The following PLPP4 variants were observed in gnomAD, a reference collection of about 807,000 sequenced individuals.
The protein encoded by PLPP4 is diacylglycerol pyrophosphate like 2.
A neutral mutation model predicts 32.2 loss-of-function variants in PLPP4; 20 were observed. The ratio of observed to expected loss-of-function variants is 0.62; its 90% CI spans 0.44 to 0.90. The LOEUF is 0.90. Ranked by LOEUF, PLPP4 falls within the 40% of genes least tolerant of loss-of-function variation. The pLI is 0.00. For synonymous variants in PLPP4, 127 were observed against 133.0 expected (o/e 0.95, Z 0.31); for missense variants, 257 against 353.1 (o/e 0.73, Z 2.18).
chr10:120,583,002 A>G (rs567907924), intron 6 of PLPP4, among the ~76,000 whole-genome samples: 52 of 152,120 alleles, frequency 3.4e-4, no homozygotes, highest in African/African-American at 1.1e-3. Flanking sequence ...ATGAAGCTTC[A>G]CAAGTAGCAG....
chr10:120,505,272 G>A (rs1333055199), intron 2 of PLPP4, among the ~76,000 whole-genome samples: 2 of 152,218 alleles, frequency 1.3e-5, no homozygotes, highest in African/African-American at 4.8e-5. Context: ...CCTGAGGGTT[G>A]GGGGCAGAGT....
chr10:120,563,725 A>G (rs4752439), intron 5 of PLPP4, among the ~76,000 whole-genome samples: 131,051 of 131,756 alleles, frequency 0.99, 65,195 homozygotes, highest in Middle Eastern at 1. Context: ...GCGTGAACCC[A>G]GGAAGCGGAG....
intron 5 of PLPP4, among the ~76,000 whole-genome samples, chr10:120,574,001 G>T (rs1171087415): frequency 1.3e-5 from 2 of 152,086 alleles, no homozygotes; most frequent in African/African-American, 4.8e-5. Context: ...CATCCCCTCA[G>T]AAGTACTTTC....
intron 1 of PLPP4, among the ~76,000 whole-genome samples, chr10:120,469,382 C>A (rs916571822): frequency 3.3e-5 from 5 of 152,054 alleles, no homozygotes; most frequent in Non-Finnish European, 7.3e-5. Flanking sequence ...CGCCCGCCAC[C>A]ATGCCCGGCT....
intron 1 of PLPP4, among the ~76,000 whole-genome samples, chr10:120,477,310 C>T (rs1589730501): frequency 6.8e-6 from 1 of 146,964 alleles, no homozygotes. Flanking sequence ...TGAGGCTTTT[C>T]TTTTTCCTTC....
chr10:120,570,730 G>A (rs10886712), intron 5 of PLPP4, among the ~76,000 whole-genome samples: 50,380 of 151,882 alleles, frequency 0.33, 8,473 homozygotes, highest in Middle Eastern at 0.4. Flanking sequence ...CATCTGGGTT[G>A]CTGGAGAGAA....
At chr10:120,533,538 A>G (rs1846845153) in intron 5 of PLPP4, among the ~76,000 whole-genome samples, 2 of 152,058 alleles carry the variant, frequency 1.3e-5, no homozygotes, top group African/African-American at 4.8e-5. Flanking sequence ...AAATTTATCT[A>G]TTTTTCCCCT....
chr10:120,517,249 C>T (rs188594647), intron 3 of PLPP4, among the ~76,000 whole-genome samples: 38 of 152,270 alleles, frequency 2.5e-4, no homozygotes, highest in Admixed American at 1.4e-3. Flanking sequence ...CAGCCGTGAG[C>T]GTGGCAGGCC....
intron 1 of PLPP4, among the ~76,000 whole-genome samples, chr10:120,471,920 A>G (rs1848534230): frequency 6.6e-6 from 1 of 152,020 alleles, no homozygotes; most frequent in South Asian, 2.1e-4. Context: ...TTATTTCACA[A>G]TTATAATATG....
At position 120,554,032 on chromosome 10, in the gene PLPP4, C is replaced by T. The variant is rs112945017; in HGVS notation, c.446-21099C>T. ...CAGAAAATGTTTTTGTTTTTTGTTTCCTACCGCATAGTCAGGCTGCCAACT... is the reference window on the plus strand; with the variant it reads ...CAGAAAATGTTTTTGTTTTTTGTTTTCTACCGCATAGTCAGGCTGCCAACT... On this transcript the variant is annotated intron_variant, in intron 5 of 6. Coordinates refer to ENST00000398250, the MANE Select transcript of PLPP4 (RefSeq NM_001030059.3). 8.2e-3 allele frequency among the ~76,000 whole-genome samples: 1,244 copies of T among 152,246 alleles called. 23 individuals carry two copies. The highest frequency in any genetic ancestry group is 0.029 in the African/African-American group (1,195 of 41,560).
At chr10:120,528,811 C>T (rs1291661789) in intron 5 of PLPP4, among the ~76,000 whole-genome samples, 6 of 152,124 alleles carry the variant, frequency 3.9e-5, no homozygotes, top group Non-Finnish European at 1.5e-5. Context: ...TTTTATCACT[C>T]CCTCCTCCCC....
At chr10:120,519,274 A>C (rs1846057082) in intron 4 of PLPP4, among the ~76,000 whole-genome samples, 1 of 152,212 alleles carries the variant, frequency 6.6e-6, no homozygotes, top group African/African-American at 2.4e-5. Context: ...ATGGATTGGC[A>C]TTTGAGCCTT....
At chr10:120,538,036 CTCTCTCTCTCTCTCTCTGTGTGTG>C (rs1847131006) in intron 5 of PLPP4, among the ~76,000 whole-genome samples, 2 of 55,930 alleles carry the variant, frequency 3.6e-5, no homozygotes, top group Admixed American at 2.2e-4. Flanking sequence ...CTCTCTCTCT[CTCTCTCTCTCTCTCTCTGTGTGTG>C]TGTGTGTGTG....
chr10:120,488,067 C>G (rs1345061812), intron 1 of PLPP4, among the ~76,000 whole-genome samples: 1 of 152,106 alleles, frequency 6.6e-6, no homozygotes, highest in Non-Finnish European at 1.5e-5. Context: ...GGAGAAGGAC[C>G]ATGTCCCAAG....
chr10:120,538,038 C>CTG (rs1564825114), intron 5 of PLPP4, among the ~76,000 whole-genome samples: 18 of 48,028 alleles, frequency 3.7e-4, no homozygotes, highest in East Asian at 2.9e-3. Context: ...CTCTCTCTCT[C>CTG]TCTCTCTCTC....
intron 1 of PLPP4, among the ~76,000 whole-genome samples, chr10:120,497,497 A>G (rs1463380969): frequency 2.6e-5 from 4 of 152,158 alleles, no homozygotes; most frequent in African/African-American, 9.7e-5. Flanking sequence ...ATATATAATT[A>G]TAAGCTTTAA....
intron 2 of PLPP4, among the ~76,000 whole-genome samples, chr10:120,509,600 AC>A (rs1419532100): frequency 6.6e-6 from 1 of 151,988 alleles, no homozygotes; most frequent in Non-Finnish European, 1.5e-5. Context: ...GAGATTCAGG[AC>A]TCCAACCCAG....
At chr10:120,512,362 T>A (rs1379329988) in intron 2 of PLPP4, among the ~76,000 whole-genome samples, 1 of 152,220 alleles carries the variant, frequency 6.6e-6, no homozygotes, top group Non-Finnish European at 1.5e-5. Context: ...ACTTGCTTAT[T>A]TGACTTTTAA....
intron 1 of PLPP4, among the ~76,000 whole-genome samples, chr10:120,460,450 A>G (rs973606174): frequency 6.6e-6 from 1 of 152,224 alleles, no homozygotes; most frequent in Admixed American, 6.5e-5. Flanking sequence ...CCAATGGTGC[A>G]CTACTAGAAG....
Sources: gnomAD v4.1 joint callset for allele counts (sites outside exome capture counted in the v4.1 genomes callset) on GRCh38, gnomAD v4.1.1 for gene constraint, MANE v1.5 for transcripts, NCBI Gene and HGNC (gene_info 2026-07-23, HGNC 2026-07-21) for gene names.